ALDH1A1: variants seen among roughly 807,000 people sequenced by gnomAD.
ALDH1A1 encodes aldehyde dehydrogenase 1A1.
In ALDH1A1, 19 loss-of-function variants were observed where a neutral mutation model predicts 62.1. The observed-to-expected ratio is 0.31, with a 90% confidence interval of 0.21 to 0.45. The LOEUF (loss-of-function observed/expected upper bound fraction) is 0.45, where lower values mean the gene tolerates loss of function less well. Ranked by LOEUF, ALDH1A1 falls within the 20% of genes least tolerant of loss-of-function variation. The pLI is 1.00. For missense variants in ALDH1A1, 521 were observed against 607.1 expected (o/e 0.86, Z 1.49); for synonymous variants, 231 against 215.9 (o/e 1.07, Z -0.61).
Position 72,941,639 on chromosome 9 carries a change from A to G in ALDH1A1, c.67-1387T>C, listed in dbSNP as rs531851729. 2.0e-5 allele frequency among the ~76,000 whole-genome samples: 3 copies of G among 152,206 alleles called. No homozygotes were observed. The East Asian group carries it at 5.8e-4, about 29-fold the overall frequency. On this transcript the variant is annotated intron_variant, in intron 1 of 12. Transcript: ENST00000297785. ...CTCAGTAAAAAATTCTTGAATAACT[A>G]ACTTAATTGAATCAAAGATCTATAA...
chr9:72,906,090 T>C (rs1829874768), intron 11 of ALDH1A1, 58 bp from the exon 12 acceptor site: 21 of 1,366,500 alleles, frequency 1.5e-5, no homozygotes, highest in Non-Finnish European at 2.1e-5. Context: ...AAAAAATCCT[T>C]TTTGGCAGTT....
intron 11 of ALDH1A1, among the ~76,000 whole-genome samples, chr9:72,906,869 G>C (rs547059628): frequency 2.7e-4 from 41 of 152,248 alleles, no homozygotes; most frequent in African/African-American, 9.4e-4. Context: ...GGACAAAAAT[G>C]TGGCTTCCAG....
intron 12 of ALDH1A1, among the ~76,000 whole-genome samples, chr9:72,902,329 A>G (rs1236822717): frequency 6.6e-6 from 1 of 152,048 alleles, no homozygotes; most frequent in African/African-American, 2.4e-5. Flanking sequence ...ACACTCATGC[A>G]CATGTAGGCT....
At chr9:72,939,613 G>T (rs1305413354) in intron 2 of ALDH1A1, among the ~76,000 whole-genome samples, 1 of 151,636 alleles carries the variant, frequency 6.6e-6, no homozygotes, top group Non-Finnish European at 1.5e-5. Context: ...TGCCTCACGG[G>T]CTAAAGCAAT....
intron 10 of ALDH1A1, among the ~76,000 whole-genome samples, chr9:72,910,878 T>A (rs1017947491): frequency 2.6e-5 from 4 of 152,186 alleles, no homozygotes; most frequent in Non-Finnish European, 5.9e-5. Flanking sequence ...CTCTAATAAA[T>A]GTGTTCATAT....
At chr9:72,935,450 C>T (rs975632221) in intron 2 of ALDH1A1, among the ~76,000 whole-genome samples, 1 of 152,148 alleles carries the variant, frequency 6.6e-6, no homozygotes, top group African/African-American at 2.4e-5. Context: ...CTGAACTCTT[C>T]CATCACTCCC....
chr9:72,920,853 C>T (rs1830131342), intron 7 of ALDH1A1, among the ~76,000 whole-genome samples: 1 of 152,206 alleles, frequency 6.6e-6, no homozygotes, highest in African/African-American at 2.4e-5. Context: ...CAGTGTATTC[C>T]ATGATACTGT....
chr9:72,930,074 G>C (rs1220725217), intron 3 of ALDH1A1, among the ~76,000 whole-genome samples: 3 of 152,076 alleles, frequency 2.0e-5, no homozygotes. Flanking sequence ...TTTTAAAAAT[G>C]TAGACTTCTT....
At chr9:72,939,963 T>TA (rs1830395898) in intron 2 of ALDH1A1, among the ~76,000 whole-genome samples, 185 bp downstream of exon 2, 1 of 140,058 alleles carries the variant, frequency 7.1e-6, no homozygotes, top group African/African-American at 2.7e-5. Context: ...TTATCATTAT[T>TA]ACATAACTAC....
At chr9:72,929,870 T>C (rs562230871) in intron 3 of ALDH1A1, among the ~76,000 whole-genome samples, 11 of 152,326 alleles carry the variant, frequency 7.2e-5, no homozygotes, top group Admixed American at 5.9e-4. Flanking sequence ...AGTCAACAAA[T>C]CAGATAATTG....
chr9:72,940,274 A>C, intron 1 of ALDH1A1, 22 bp from the exon 2 acceptor site: 1 of 1,572,920 alleles, frequency 6.4e-7, no homozygotes, highest in Middle Eastern at 1.7e-4. Flanking sequence ...AAGAGAAAAT[A>C]CATACAAGGC....
In ALDH1A1 at chr9:72,917,034, G is replaced by A. The variant is rs929327267; in HGVS notation, c.921C>T (p.Ser307=). The A allele has an allele frequency of 6.2e-7, 1 of 1,613,796 alleles. No individual in the cohort carries two copies. Among genetic ancestry groups the A allele is most frequent in the Non-Finnish European group, 8.5e-7 (1 of 1,179,836 alleles). ...AAATTGATTCTTCCACAAAAATCCT[G>A]GATGCGGCTATACAACACTGGCCCT... The part of the protein sequence containing the change: ...YHQGQCCIAA[S]RIFVEESIYD... The change falls in exon 9 of 13, where the codon TCC becomes TCT. Residue 307 remains serine, a synonymous_variant. Transcript: ENST00000297785.
chr9:72,933,889 G>A (rs1830316062), intron 2 of ALDH1A1, among the ~76,000 whole-genome samples: 1 of 151,992 alleles, frequency 6.6e-6, no homozygotes, highest in Non-Finnish European at 1.5e-5. Flanking sequence ...ACCTCCTGAC[G>A]AGCCTCAGGT....
chr9:72,943,669 C>A (rs1472695972), intron 1 of ALDH1A1, among the ~76,000 whole-genome samples: 1 of 152,092 alleles, frequency 6.6e-6, no homozygotes, highest in Admixed American at 6.6e-5. Flanking sequence ...TGATTAGTAA[C>A]TTTTGCTTTA....
intron 2 of ALDH1A1, among the ~76,000 whole-genome samples, chr9:72,932,024 A>G (rs1224468818): frequency 6.6e-6 from 1 of 152,090 alleles, no homozygotes; most frequent in Non-Finnish European, 1.5e-5. Context: ...TATTGCCCTG[A>G]CCACTCCACT....
At chr9:72,944,020 C>A (rs1239322136) in intron 1 of ALDH1A1, among the ~76,000 whole-genome samples, 1 of 151,980 alleles carries the variant, frequency 6.6e-6, no homozygotes, top group African/African-American at 2.4e-5. Context: ...CAGCTCCCAA[C>A]AGAATGGAGT....
intron 1 of ALDH1A1, among the ~76,000 whole-genome samples, chr9:72,946,492 A>G (rs961782380): frequency 9.2e-5 from 14 of 151,922 alleles, no homozygotes; most frequent in Admixed American, 2.0e-4. Context: ...CATCCTTCTC[A>G]AGCAATGCTT....
chr9:72,914,735 G>GTATA (rs35871415), intron 9 of ALDH1A1, among the ~76,000 whole-genome samples: 347 of 150,756 alleles, frequency 2.3e-3, no homozygotes, highest in African/African-American at 7.5e-3. Flanking sequence ...AATATGCAAA[G>GTATA]TATATATATA....
intron 2 of ALDH1A1, among the ~76,000 whole-genome samples, chr9:72,936,880 G>A (rs937196787): frequency 5.3e-5 from 8 of 152,056 alleles, no homozygotes; most frequent in Non-Finnish European, 1.0e-4. Context: ...ACTTTAGTTC[G>A]GTGGTTCAAG....
Sources: allele counts gnomAD v4.1 joint callset (sites outside exome capture counted in the v4.1 genomes callset), GRCh38; gene constraint gnomAD v4.1.1; transcripts MANE v1.5; gene names NCBI Gene and HGNC (gene_info 2026-07-23, HGNC 2026-07-21).